The following CNTNAP2 variants were observed in gnomAD, a reference collection of about 807,000 sequenced individuals.
CNTNAP2 encodes the protein contactin-associated protein-like 2.
In CNTNAP2, 98 loss-of-function variants were observed where a neutral mutation model predicts 155.2. The ratio of observed to expected loss-of-function variants is 0.63; its 90% CI spans 0.54 to 0.75. The LOEUF (loss-of-function observed/expected upper bound fraction) is 0.75. CNTNAP2 is among the 30% of genes least tolerant of loss of function. CNTNAP2 has a pLI of 0.00. For missense variants in CNTNAP2, 1,727 were observed against 1,688.1 expected (o/e 1.02, Z -0.40); for synonymous variants, 651 against 631.2 (o/e 1.03, Z -0.47).
chr7:147,422,393 T>C (rs1275866625), intron 10 of CNTNAP2, among the ~76,000 whole-genome samples: 1 of 151,666 alleles, frequency 6.6e-6, no homozygotes, highest in Non-Finnish European at 1.5e-5. Context: ...TATGTATATA[T>C]ACATACTATA....
chr7:146,369,733 T>A (rs1379818486), intron 1 of CNTNAP2, among the ~76,000 whole-genome samples: 1 of 152,160 alleles, frequency 6.6e-6, no homozygotes, highest in African/African-American at 2.4e-5. Flanking sequence ...TTTTCTTTAT[T>A]GGCTGTTGGT....
At chr7:147,904,123 C>A (rs1255917725) in intron 14 of CNTNAP2, among the ~76,000 whole-genome samples, 1 of 151,772 alleles carries the variant, frequency 6.6e-6, no homozygotes, top group African/African-American at 2.4e-5. Flanking sequence ...GCAATGTTTG[C>A]GTTGGGGATC....
chr7:148,006,782 ATC>A lies in CNTNAP2; in HGVS notation c.2383+28797_2383+28798del, dbSNP rs1455272048. On this transcript the variant is annotated intron_variant, in intron 15 of 23. Transcript: ENST00000361727. ...AAAAGAAAAAGAATTTATGGAAGAA[ATC>A]TCTAAATCATATTCCGTTCTTTCAT... is the stretch of plus-strand genomic sequence containing the variant. Among the ~76,000 whole-genome samples the A allele has an allele frequency of 5.3e-5, 8 of 152,232 alleles. No individual in the cohort carries two copies. In the East Asian group the frequency reaches 1.5e-3, roughly 29 times the overall value.
At position 147,526,540 on chromosome 7, in the gene CNTNAP2, G is replaced by C. The variant is rs534230586; in HGVS notation, c.1778-35598G>C. 4.9e-4 allele frequency among the ~76,000 whole-genome samples: 75 copies of C among 152,220 alleles called. 2 individuals carry two copies. The South Asian group carries it at 0.011, about 23-fold the overall frequency. ...AATCAACTTGAGCACTCTAATAATG[G>C]TTTAGTGCTCATTGCTTGAAGGAAT... On this transcript the variant is annotated intron_variant, in intron 11 of 23. Coordinates refer to ENST00000361727, the MANE Select transcript of CNTNAP2 (RefSeq NM_014141.6).
chr7:146,905,889 G>A (rs1796111792), intron 3 of CNTNAP2, among the ~76,000 whole-genome samples: 1 of 152,208 alleles, frequency 6.6e-6, no homozygotes. Flanking sequence ...TGAGGTACCG[G>A]GTTCATCTCA....
chr7:148,290,111 G>A (rs116507216), intron 21 of CNTNAP2, among the ~76,000 whole-genome samples: 246 of 152,072 alleles, frequency 1.6e-3, no homozygotes, highest in African/African-American at 5.4e-3. Flanking sequence ...AAGTAGTCAC[G>A]GTATCCTAGA....
chr7:146,966,034 G>T (rs1797651448), intron 3 of CNTNAP2, among the ~76,000 whole-genome samples: 1 of 152,144 alleles, frequency 6.6e-6, no homozygotes, highest in South Asian at 2.1e-4. Context: ...CTTTGTGGCT[G>T]GACACCACAA....
At chr7:147,508,605 C>A (rs923081885) in intron 11 of CNTNAP2, among the ~76,000 whole-genome samples, 5 of 152,086 alleles carry the variant, frequency 3.3e-5, no homozygotes, top group African/African-American at 1.2e-4. Context: ...TGGCTGTGTC[C>A]CCACCCAAAT....
rs540143992 is a variant in CNTNAP2 at position 148,315,976 on chromosome 7, T to A, written c.3475+48850T>A. On this transcript the variant is annotated intron_variant, in intron 21 of 23. Coordinates refer to ENST00000361727, the MANE Select transcript of CNTNAP2 (RefSeq NM_014141.6). ...TTCATTTAACAAACACATGCTGAGA[T>A]CCTACTTTTTGCCGGACTTAGTACT... 3.0e-4 allele frequency among the ~76,000 whole-genome samples: 46 copies of A among 152,230 alleles called. No homozygotes were observed. The South Asian group carries it at 9.3e-3, about 31-fold the overall frequency.
intron 20 of CNTNAP2, among the ~76,000 whole-genome samples, chr7:148,250,991 G>C (rs113740996): frequency 6.6e-6 from 1 of 152,148 alleles, no homozygotes; most frequent in East Asian, 1.9e-4. Flanking sequence ...GAGATGACAG[G>C]TGTGCACCAC....
intron 14 of CNTNAP2, among the ~76,000 whole-genome samples, chr7:147,943,505 C>T (rs1418165932): frequency 2.0e-5 from 3 of 152,046 alleles, no homozygotes; most frequent in Non-Finnish European, 4.4e-5. Flanking sequence ...AAGTCGCTCA[C>T]GCTTGTAAAT....
At chr7:147,369,344 G>A (rs949016963) in intron 9 of CNTNAP2, among the ~76,000 whole-genome samples, 1 of 152,110 alleles carries the variant, frequency 6.6e-6, no homozygotes, top group African/African-American at 2.4e-5. Flanking sequence ...AGCTAAACGT[G>A]TCTCATTTGT....
Position 146,565,535 on chromosome 7 carries a change from G to A in CNTNAP2, c.98-208736G>A, listed in dbSNP as rs766527824. On this transcript the variant is annotated intron_variant, in intron 1 of 23. Coordinates refer to ENST00000361727, the MANE Select transcript of CNTNAP2 (RefSeq NM_014141.6). ...GGGGGTAAGGAACTCACATTGCTAC[G>A]CTTTTTTATTCTGTTTGAAGTGATT... Among the ~76,000 whole-genome samples, 62 of 152,116 alleles carry A rather than the reference G, an allele frequency of 4.1e-4. 1 individual carries two copies. Among genetic ancestry groups the A allele is most frequent in the Admixed American group, 2.6e-4 (4 of 15,268 alleles).
At chr7:146,942,104 C>T (rs1797069169) in intron 3 of CNTNAP2, among the ~76,000 whole-genome samples, 1 of 151,980 alleles carries the variant, frequency 6.6e-6, no homozygotes, top group Non-Finnish European at 1.5e-5. Context: ...TAATATTTCT[C>T]TTTCCTTTAT....
chr7:146,893,064 A>G, intron 3 of CNTNAP2, among the ~76,000 whole-genome samples: 1 of 152,240 alleles, frequency 6.6e-6, no homozygotes, highest in South Asian at 2.1e-4. Flanking sequence ...ATACATATGG[A>G]CTTTTGTGGT....
intron 9 of CNTNAP2, among the ~76,000 whole-genome samples, chr7:147,374,604 A>G (rs1224692843): frequency 1.3e-5 from 2 of 151,974 alleles, no homozygotes; most frequent in African/African-American, 4.8e-5. Context: ...TTGTTGGCTG[A>G]TGGATTTATT....
chr7:146,201,714 T>C (rs1798866047), intron 1 of CNTNAP2, among the ~76,000 whole-genome samples: 1 of 151,396 alleles, frequency 6.6e-6, no homozygotes, highest in African/African-American at 2.4e-5. Flanking sequence ...GAACTGAAAA[T>C]TGACATATTG....
chr7:147,961,562 A>G (rs1363936561), intron 14 of CNTNAP2, among the ~76,000 whole-genome samples: 1 of 152,202 alleles, frequency 6.6e-6, no homozygotes, highest in Non-Finnish European at 1.5e-5. Context: ...ACAGTTTTCT[A>G]CAGTTTTCCA....
chr7:148,030,434 A>AT (rs1802455683), intron 15 of CNTNAP2, among the ~76,000 whole-genome samples: 1 of 152,206 alleles, frequency 6.6e-6, no homozygotes, highest in East Asian at 1.9e-4. Context: ...GATTGTCTTT[A>AT]ATAGTTGCAG....
Sources: gnomAD v4.1 joint callset for allele counts (sites outside exome capture counted in the v4.1 genomes callset) on GRCh38, gnomAD v4.1.1 for gene constraint, MANE v1.5 for transcripts, NCBI Gene and HGNC (gene_info 2026-07-23, HGNC 2026-07-21) for gene names.